TEX11: variants seen among roughly 807,000 people sequenced by gnomAD.
TEX11 encodes the protein testis expressed 11.
TEX11 carries 7 observed loss-of-function variants against 84.4 expected under a neutral mutation model. The observed-to-expected ratio is 0.08, with a 90% CI of 0.05 to 0.16. The LOEUF (loss-of-function observed/expected upper bound fraction) is 0.16. Among genes scored for constraint, TEX11 ranks in the 10% least tolerant of loss-of-function variants. The pLI is 1.00. For missense variants in TEX11, 551 were observed against 660.5 expected, an observed-to-expected ratio of 0.83 and a Z score of 1.82; for synonymous variants, 264 against 222.8, an observed-to-expected ratio of 1.18 and a Z score of -1.64.
intron 2 of TEX11, among the ~76,000 whole-genome samples, chrX:70,881,342 A>G (rs1220120751): frequency 1.8e-5 from 2 of 108,967 alleles, no homozygotes; most frequent in Non-Finnish European, 3.8e-5. Context: ...AAAAAAAAAA[A>G]CTAAAACTAA....
chrX:70,829,439 G>A (rs1236647353), intron 8 of TEX11, among the ~76,000 whole-genome samples: 5 of 99,682 alleles, frequency 5.0e-5, no homozygotes, highest in Non-Finnish European at 9.8e-5. Flanking sequence ...CCAAGATCAT[G>A]CCACTGCACT....
intron 9 of TEX11, among the ~76,000 whole-genome samples, chrX:70,788,971 TATAGAGAGAGAGAG>T (rs1418974295): frequency 2.4e-3 from 45 of 18,856 alleles, no homozygotes; most frequent in African/African-American, 7.4e-3. Flanking sequence ...TATATATATA[TATAGAGAGAGAGAG>T]AGAGAGAGAG....
chrX:70,554,717 C>T lies in TEX11; in HGVS notation c.2224G>A (p.Glu742Lys). 1 of 1,209,304 alleles carries T rather than the reference C, an allele frequency of 8.3e-7. No homozygotes were observed. The highest frequency in any genetic ancestry group is 3.0e-5 in the East Asian group (1 of 33,756). ...VRAKLNDPLL[E>K]SFLESVWELP... Reference sequence around the variant, plus strand: ...TCCCACACTGATTCCAGGAAGCTTTCCAGTAATGGATCATTCAATTTGGCT... The same window carrying T: ...TCCCACACTGATTCCAGGAAGCTTTTCAGTAATGGATCATTCAATTTGGCT... Residue 742 changes from glutamate to lysine, a missense_variant, in exon 26 of 30, where the codon GAA (glutamate) becomes AAA (lysine). Coordinates refer to ENST00000374333, the MANE Select transcript of TEX11 (RefSeq NM_031276.3).
chrX:70,591,807 C>T lies in TEX11; in HGVS notation c.2084G>A (p.Arg695His), dbSNP rs1015811573. 4 of 1,208,066 alleles carry T rather than the reference C, an allele frequency of 3.3e-6. No individual in the cohort carries two copies. The highest frequency in any genetic ancestry group is 2.3e-4 in the Middle Eastern group (1 of 4,344). Residue 695 changes from arginine (R) to histidine (H), a missense_variant, in exon 25 of 30, where the codon CGT becomes CAT. By Grantham distance (29) the Arg-to-His change is conservative (BLOSUM62 0). Coordinates refer to ENST00000374333, the MANE Select transcript of TEX11 (RefSeq NM_031276.3). ...TAFEQTMFLS[R>H]ALEEIQTCND... Reference sequence around the variant, plus strand: ...GCATGTCTGGATCTCCTCAAGTGCACGACTCAGGAACATGGTCTGTTTGGC... The same window carrying T: ...GCATGTCTGGATCTCCTCAAGTGCATGACTCAGGAACATGGTCTGTTTGGC...
chrX:70,635,837 C>T (rs2089565465), intron 17 of TEX11, among the ~76,000 whole-genome samples: 1 of 111,527 alleles, frequency 9.0e-6, no homozygotes, highest in Non-Finnish European at 1.9e-5. Flanking sequence ...TAGGTCAGCC[C>T]ACACAGCCCC....
intron 4 of TEX11, among the ~76,000 whole-genome samples, chrX:70,865,514 G>A (rs1483619552): frequency 5.4e-5 from 6 of 111,223 alleles, no homozygotes. Context: ...GGATATTCAG[G>A]ACTTGAACTC....
intron 28 of TEX11, among the ~76,000 whole-genome samples, chrX:70,545,282 T>A (rs778343330): frequency 2.0e-4 from 22 of 112,590 alleles, no homozygotes; most frequent in African/African-American, 7.1e-4. Context: ...CACAAACACA[T>A]TATACAGTTG....
intron 15 of TEX11, among the ~76,000 whole-genome samples, chrX:70,671,880 GATATATATATATATATAT>G (rs67645855): frequency 1.8e-4 from 12 of 66,326 alleles, no homozygotes; most frequent in Non-Finnish European, 2.3e-4. Context: ...CAATTGTTTT[GATATATATATATATATAT>G]ATATATATAT....
At chrX:70,879,832 A>G (rs4576584) in intron 3 of TEX11, among the ~76,000 whole-genome samples, 156 bp downstream of exon 3, 10,404 of 111,186 alleles carry the variant, frequency 0.094, 627 homozygotes, top group Admixed American at 0.29. Flanking sequence ...GGTTTCTAAA[A>G]TTTTTCCCCC....
intron 9 of TEX11, among the ~76,000 whole-genome samples, chrX:70,754,902 A>G (rs1330656363): frequency 8.9e-6 from 1 of 112,442 alleles, no homozygotes; most frequent in Non-Finnish European, 1.9e-5. Flanking sequence ...TATGTCTACA[A>G]GAACCAGAGC....
chrX:70,565,523 T>A (rs2088453809), intron 25 of TEX11, among the ~76,000 whole-genome samples: 1 of 111,394 alleles, frequency 9.0e-6, no homozygotes, highest in Non-Finnish European at 1.9e-5. Flanking sequence ...CCTCTAGAGT[T>A]TTTACGGTTT....
intron 24 of TEX11, among the ~76,000 whole-genome samples, chrX:70,604,170 A>T (rs1306933239): frequency 8.9e-6 from 1 of 111,789 alleles, no homozygotes; most frequent in Non-Finnish European, 1.9e-5. Flanking sequence ...CATCAATTTG[A>T]TCTCTATTCA....
chrX:70,892,732 C>CAA (rs375483331), intron 2 of TEX11, among the ~76,000 whole-genome samples: 2 of 84,999 alleles, frequency 2.4e-5, no homozygotes, highest in African/African-American at 4.3e-5. Context: ...GACTTAGTCT[C>CAA]AAAAAAAAAA....
chrX:70,549,685 G>A (rs746609912), intron 28 of TEX11, among the ~76,000 whole-genome samples: 2 of 112,219 alleles, frequency 1.8e-5, no homozygotes, highest in South Asian at 7.5e-4. Context: ...TCTTCTGCGT[G>A]TGGAAAGAGG....
At chrX:70,526,306 T>C (rs2087821867), downstream of TEX11, among the ~76,000 whole-genome samples, 1 of 111,882 alleles carries the variant, frequency 8.9e-6, no homozygotes, top group South Asian at 3.8e-4. Flanking sequence ...CGGTGGCTCA[T>C]GCTTATAATC....
chrX:70,564,815 T>G (rs1328848628), intron 25 of TEX11, among the ~76,000 whole-genome samples: 1 of 110,205 alleles, frequency 9.1e-6, no homozygotes, highest in Non-Finnish European at 1.9e-5. Context: ...TGTTGGACAT[T>G]TGGGTTGGTT....
At chrX:70,796,625 C>T (rs1222328407) in intron 9 of TEX11, among the ~76,000 whole-genome samples, 1 of 112,040 alleles carries the variant, frequency 8.9e-6, no homozygotes, top group Non-Finnish European at 1.9e-5. Flanking sequence ...CCTAATTAAA[C>T]TAAAGAACTG....
intron 11 of TEX11, among the ~76,000 whole-genome samples, chrX:70,729,420 A>G (rs2090626614): frequency 9.0e-6 from 1 of 111,622 alleles, no homozygotes; most frequent in Admixed American, 9.6e-5. Flanking sequence ...AAAAAAAATT[A>G]GACGAATGGC....
intron 9 of TEX11, among the ~76,000 whole-genome samples, chrX:70,768,022 T>C (rs954095033): frequency 1.8e-5 from 2 of 111,102 alleles, no homozygotes; most frequent in Non-Finnish European, 3.8e-5. Context: ...GGATGATTAA[T>C]GGTTATAAAA....
Sources: allele counts gnomAD v4.1 joint callset (sites outside exome capture counted in the v4.1 genomes callset), GRCh38; gene constraint gnomAD v4.1.1; transcripts MANE v1.5; gene names NCBI Gene and HGNC (gene_info 2026-07-23, HGNC 2026-07-21).